The following CDHR4 variants were observed in gnomAD, a reference collection of about 807,000 sequenced individuals.
CDHR4 encodes cadherin-related family member 4.
CDHR4 carries 89 observed loss-of-function variants against 88.4 expected under a neutral mutation model. That is an observed-to-expected ratio of 1.01 (90% CI 0.85 to 1.20). The LOEUF is 1.20. Ranked by LOEUF, CDHR4 falls within the 50% of genes most tolerant of loss-of-function variation. The pLI is 0.00. For missense variants in CDHR4, 914 were observed against 1,007.2 expected (o/e 0.91, Z 1.25); for synonymous variants, 368 against 399.2 (o/e 0.92, Z 0.93).
chr3:49,794,458 G>A (rs982170522), intron 10 of CDHR4, 150 bp downstream of exon 10: 5 of 643,654 alleles, frequency 7.8e-6, no homozygotes, highest in Non-Finnish European at 1.4e-5. Context: ...CCCTGCTGGG[G>A]GTCTAAGAGA....
chr3:49,795,805 T>C lies in CDHR4; in HGVS notation c.711-41A>G. The C allele has an allele frequency of 6.4e-7, 1 of 1,550,430 alleles. No homozygotes were observed. Among genetic ancestry groups the C allele is most frequent in the Non-Finnish European group, 8.7e-7 (1 of 1,146,226 alleles). On this transcript the variant is annotated intron_variant, in intron 6 of 18. Coordinates refer to ENST00000412678, the MANE Select transcript of CDHR4 (RefSeq NM_001007540.4). The surrounding 1 kb of genome is among the most constrained non-coding windows in gnomAD (Gnocchi z 5.4). ...GGCACTGGTTCCTGCCCATTCCTGC[T>C]CAACCTGTGGGTCCACAGCTTCCTT...
chr3:49,799,903 T>C, upstream of CDHR4: 1 of 1,406,042 alleles, frequency 7.1e-7, no homozygotes, highest in Middle Eastern at 1.8e-4. Context: ...TGCTCAAACA[T>C]AGCTGGGCAG....
At chr3:49,800,981 G>A (rs1195629651), upstream of CDHR4, among the ~76,000 whole-genome samples, 1 of 151,760 alleles carries the variant, frequency 6.6e-6, no homozygotes, top group African/African-American at 2.4e-5. Flanking sequence ...GAGCCCCAGA[G>A]ATGGAGGCTG....
chr3:49,795,333 G>A lies in CDHR4; in HGVS notation c.894C>T (p.Thr298=). 1 of 1,551,512 alleles carries A rather than the reference G, an allele frequency of 6.4e-7. No homozygotes were observed. The highest frequency in any genetic ancestry group is 8.7e-7 in the Non-Finnish European group (1 of 1,146,968). The stretch of plus-strand genomic sequence containing the variant: ...GCAGCCTGGAGACCGCGGTGCCTGA[G>A]GTGCGAGCTAACTCTAGGGGCGTGG... The part of the protein sequence containing the change: ...RTTTPLELAR[T]SGTAVSRLQV... Residue 298 remains threonine, a synonymous_variant, in exon 8 of 19, where the codon ACC becomes ACT. Coordinates refer to ENST00000412678, the MANE Select transcript of CDHR4 (RefSeq NM_001007540.4). The surrounding 1 kb of genome is among the most constrained non-coding windows in gnomAD (Gnocchi z 5.4).
intron 4 of CDHR4, chr3:49,798,211 G>GTT (rs1254560360): frequency 6.9e-5 from 9 of 131,252 alleles, no homozygotes; most frequent in African/African-American, 2.6e-4. Context: ...TTACCTACAT[G>GTT]TTTGTTTTTT....
In CDHR4 at chr3:49,796,406, G is replaced by A. The variant is rs186831141; in HGVS notation, c.607-360C>T. On this transcript the variant is annotated intron_variant, in intron 5 of 18. Coordinates refer to ENST00000412678, the MANE Select transcript of CDHR4 (RefSeq NM_001007540.4). ...TGTTGGAGCACAGTGGTATGATCTT[G>A]GCTCACTGCAACCTCCACCCCCTGG... 2.0e-4 allele frequency among the ~76,000 whole-genome samples: 30 copies of A among 151,046 alleles called. No homozygotes were observed. The East Asian group carries it at 5.2e-3, about 26-fold the overall frequency.
chr3:49,792,043 A>C, intron 15 of CDHR4, 84 bp from the exon 16 acceptor site: 1 of 1,367,064 alleles, frequency 7.3e-7, no homozygotes, highest in Non-Finnish European at 1.0e-6. Flanking sequence ...CCATTCCTTT[A>C]TATTGGGAAC....
rs747047646 is a variant in CDHR4, at chr3:49,795,686, G to A, written c.789C>T (p.Val263=). 2.3e-5 allele frequency: 36 copies of A among 1,551,550 alleles called. No individual in the cohort carries two copies. The highest frequency in any genetic ancestry group is 9.8e-5 in the East Asian group (4 of 40,940). Residue 263 remains valine (V), a synonymous_variant, in exon 7 of 19, where the codon GTC becomes GTT. Transcript: ENST00000412678. The surrounding 1 kb of genome is among the most constrained non-coding windows in gnomAD (Gnocchi z 5.4). ...GAGACAGGATTTCATAGCGCAGGTC[G>A]ACACCCCGGGCCTGGACCTGAACCA... ...SEVVQVQARG[V]DLRYEILSPV... is the part of the protein sequence containing the mutation.
In CDHR4 at chr3:49,792,952, C is replaced by G; in HGVS notation, c.1897G>C (p.Gly633Arg). The G allele has an allele frequency of 6.4e-7, 1 of 1,551,676 alleles. No individual in the cohort carries two copies. Among genetic ancestry groups the G allele is most frequent in the Non-Finnish European group, 8.7e-7 (1 of 1,146,978 alleles). ...YELLICVADA[G>R]PSTPHLSTTA... is the part of the protein sequence containing the mutation. ...GTGCTGAGGTGGGGGGTGGAGGGGC[C>G]TGCATCGGCCACACAGATCAGTAGC... Residue 633 changes from glycine (G) to arginine (R), a missense_variant, in exon 14 of 19, where the codon GGC becomes CGC. Physicochemically the swap from Gly to Arg is moderately radical, Grantham distance 125 (BLOSUM62 -2). Coordinates refer to ENST00000412678, the MANE Select transcript of CDHR4 (RefSeq NM_001007540.4).
intron 10 of CDHR4, 30 bp from the exon 11 acceptor site, chr3:49,794,036 G>C: frequency 6.5e-7 from 1 of 1,547,098 alleles, no homozygotes; most frequent in Non-Finnish European, 8.7e-7. Context: ...CAAGGAGCTG[G>C]CCTGGGGTAA....
chr3:49,794,128 G>C (rs577482559), intron 10 of CDHR4, 122 bp from the exon 11 acceptor site: 2 of 958,856 alleles, frequency 2.1e-6, no homozygotes, highest in Non-Finnish European at 3.1e-6. Context: ...GCTGGGCGTG[G>C]TGGCTCACGC....
chr3:49,798,834 C>G lies in CDHR4; in HGVS notation c.487G>C (p.Gly163Arg). The change falls in exon 4 of 19, where the codon GGA (glycine) becomes CGA (arginine). Residue 163 changes from glycine to arginine, a missense_variant. Gly to Arg is a moderately radical substitution (Grantham distance 125). Coordinates refer to ENST00000412678, the MANE Select transcript of CDHR4 (RefSeq NM_001007540.4). ...TLLLPGLELH[G>R]AQMSIISAQD... ...CCATGTTCTGGGCTTACCTGCGCTCCGTGGAGTTCTAGGCCTGGGAGGAGC... is the reference window on the plus strand; with the variant it reads ...CCATGTTCTGGGCTTACCTGCGCTCGGTGGAGTTCTAGGCCTGGGAGGAGC... 1 of 1,613,810 alleles carries G rather than the reference C, an allele frequency of 6.2e-7. No individual in the cohort carries two copies. Among genetic ancestry groups the G allele is most frequent in the Non-Finnish European group, 8.5e-7 (1 of 1,179,836 alleles).
intron 18 of CDHR4, 115 bp from the exon 19 acceptor site, chr3:49,791,002 A>ATC: frequency 1.3e-6 from 1 of 782,412 alleles, no homozygotes; most frequent in African/African-American, 1.8e-5. Flanking sequence ...TCAGTGTGAC[A>ATC]TCCCACCTTC....
intron 17 of CDHR4, 89 bp downstream of exon 17, chr3:49,791,625 A>G (rs2108274841): frequency 6.8e-7 from 1 of 1,480,050 alleles, no homozygotes. Flanking sequence ...TCATCGGAAA[A>G]GGGGCATGGG....
chr3:49,793,228 C>T lies in CDHR4; in HGVS notation c.1707G>A (p.Val569=), dbSNP rs180704464. 1.4e-5 allele frequency: 21 copies of T among 1,551,658 alleles called. No homozygotes were observed. The highest frequency in any genetic ancestry group is 1.7e-5 in the Non-Finnish European group (19 of 1,146,990). Residue 569 remains valine, a synonymous_variant, in exon 13 of 19, where the codon GTG becomes GTA. Transcript: ENST00000412678. ...IYAPLGRSVE[V]TKMSCQIPQE... ...GAGGGATCTGGCATGACATCTTGGTCACCTCCACGCTACGGCCCAGAGGAG... is the reference window on the plus strand; with the variant it reads ...GAGGGATCTGGCATGACATCTTGGTTACCTCCACGCTACGGCCCAGAGGAG...
upstream of CDHR4, among the ~76,000 whole-genome samples, chr3:49,802,154 TCTCCTC>T (rs771405960): frequency 2.7e-4 from 41 of 151,576 alleles, no homozygotes; most frequent in Admixed American, 4.6e-4. Flanking sequence ...TTCTTCTCCT[TCTCCTC>T]CTCCTGCTTC....
intron 9 of CDHR4, 52 bp downstream of exon 9, chr3:49,794,895 C>T: frequency 6.5e-7 from 1 of 1,548,924 alleles, no homozygotes; most frequent in Non-Finnish European, 8.7e-7. Context: ...CCCACCCACC[C>T]CTTCCCACTG....
At chr3:49,800,619 G>A (rs6446296), upstream of CDHR4, among the ~76,000 whole-genome samples, 118,067 of 152,094 alleles carry the variant, frequency 0.78, 47,682 homozygotes, top group African/African-American at 0.93. Flanking sequence ...GGGAATATCA[G>A]TTGGATAGGG....
chr3:49,802,756 C>G (rs918926798), upstream of CDHR4, among the ~76,000 whole-genome samples: 5 of 152,240 alleles, frequency 3.3e-5, no homozygotes, highest in Admixed American at 2.6e-4. Context: ...TCCCGTCTAG[C>G]TCGGTTGGGA....
Sources: gnomAD v4.1 joint callset for allele counts (sites outside exome capture counted in the v4.1 genomes callset) on GRCh38, gnomAD v4.1.1 for gene constraint, Gnocchi (gnomAD v3.1) non-coding constraint, MANE v1.5 for transcripts, NCBI Gene and HGNC (gene_info 2026-07-23, HGNC 2026-07-21) for gene names.